Variants in CSMD1 observed in about 807,000 individuals in gnomAD.
The protein encoded by CSMD1 is CUB and sushi domain-containing protein 1.
A neutral mutation model predicts 417.5 loss-of-function variants in CSMD1; 213 were observed. The observed-to-expected ratio is 0.51, with a 90% CI of 0.46 to 0.57. The LOEUF (loss-of-function observed/expected upper bound fraction) is 0.57, where lower values mean the gene tolerates loss of function less well. Among genes scored for constraint, CSMD1 ranks in the 20% least tolerant of loss-of-function variants. The probability of loss-of-function intolerance (pLI) is 0.00; values close to 1 mark genes in which losing one functional copy is unlikely to be tolerated. For synonymous variants in CSMD1, 2,862 were observed against 1,736.8 expected (o/e 1.65, Z -16.11); for missense variants, 6,923 against 4,529.7 (o/e 1.53, Z -15.17).
intron 3 of CSMD1, among the ~76,000 whole-genome samples, chr8:4,159,654 T>A (rs1355743807): frequency 6.6e-6 from 1 of 152,162 alleles, no homozygotes; most frequent in Non-Finnish European, 1.5e-5. Context: ...AGTGGCGCGA[T>A]CTCGGCTCAC....
At chr8:4,289,174 T>C (rs1165085090) in intron 3 of CSMD1, among the ~76,000 whole-genome samples, 1 of 152,192 alleles carries the variant, frequency 6.6e-6, no homozygotes, top group Non-Finnish European at 1.5e-5. Context: ...GTATATTATA[T>C]AACAGTTTAT....
At chr8:3,406,584 G>A (rs1203869104) in intron 14 of CSMD1, among the ~76,000 whole-genome samples, 1 of 152,060 alleles carries the variant, frequency 6.6e-6, no homozygotes, top group Non-Finnish European at 1.5e-5. Flanking sequence ...CTATGTCAGA[G>A]GACTCTGACA....
intron 7 of CSMD1, among the ~76,000 whole-genome samples, chr8:3,663,013 T>C (rs963870346): frequency 3.3e-5 from 5 of 151,506 alleles, no homozygotes; most frequent in African/African-American, 1.2e-4. Context: ...AATAAATAAA[T>C]AAATAAAGAC....
At chr8:4,689,039 G>C (rs1806586163) in intron 1 of CSMD1, among the ~76,000 whole-genome samples, 1 of 152,150 alleles carries the variant, frequency 6.6e-6, no homozygotes, top group Non-Finnish European at 1.5e-5. Context: ...ATCTTCTGCT[G>C]TCCACATAAT....
intron 2 of CSMD1, among the ~76,000 whole-genome samples, chr8:4,509,774 T>G (rs777827303): frequency 6.6e-6 from 1 of 152,148 alleles, no homozygotes; most frequent in Admixed American, 6.6e-5. Context: ...ACACTAAATA[T>G]CATATTATCA....
intron 3 of CSMD1, among the ~76,000 whole-genome samples, chr8:4,291,904 A>C (rs1429992948): frequency 2.6e-5 from 4 of 152,230 alleles, no homozygotes; most frequent in Admixed American, 6.5e-5. Flanking sequence ...TTTCACATCA[A>C]GCAGGAACAG....
At chr8:4,014,508 C>A (rs554820144) in intron 4 of CSMD1, among the ~76,000 whole-genome samples, 2 of 152,234 alleles carry the variant, frequency 1.3e-5, no homozygotes, top group African/African-American at 4.8e-5. Flanking sequence ...GTCTGTTCCC[C>A]CTTACTCTTC....
intron 3 of CSMD1, among the ~76,000 whole-genome samples, chr8:4,271,634 G>A (rs980332464): frequency 6.6e-6 from 1 of 150,960 alleles, no homozygotes; most frequent in Non-Finnish European, 1.5e-5. Context: ...CAGCTTTAAA[G>A]AAAGGAAAAG....
chr8:3,873,774 C>A (rs925937348), intron 5 of CSMD1, among the ~76,000 whole-genome samples: 1 of 152,158 alleles, frequency 6.6e-6, no homozygotes, highest in Admixed American at 6.5e-5. Flanking sequence ...ATGGCCTGAA[C>A]CAACGTAGCC....
chr8:3,709,527 T>C (rs1230333728), intron 6 of CSMD1, among the ~76,000 whole-genome samples: 3 of 151,882 alleles, frequency 2.0e-5, no homozygotes, highest in Non-Finnish European at 4.4e-5. Context: ...GATATTAACA[T>C]TTGAATCAGC....
At chr8:4,107,118 A>G (rs1016869997) in intron 3 of CSMD1, among the ~76,000 whole-genome samples, 5 of 152,208 alleles carry the variant, frequency 3.3e-5, no homozygotes, top group African/African-American at 1.2e-4. Context: ...ATGAGGACTA[A>G]CAACCAAGCA....
chr8:3,359,844 A>G (rs1029029291), intron 20 of CSMD1, among the ~76,000 whole-genome samples: 4 of 152,204 alleles, frequency 2.6e-5, no homozygotes, highest in African/African-American at 9.7e-5. Context: ...CATGTATCAA[A>G]ATATCACATG....
At chr8:3,616,014 T>A (rs939094170) in intron 8 of CSMD1, among the ~76,000 whole-genome samples, 1 of 152,310 alleles carries the variant, frequency 6.6e-6, no homozygotes, top group East Asian at 1.9e-4. Flanking sequence ...GATATGCATT[T>A]TCTGAATAAA....
intron 3 of CSMD1, among the ~76,000 whole-genome samples, chr8:4,360,422 A>C (rs1216840466): frequency 1.3e-5 from 2 of 151,606 alleles, no homozygotes; most frequent in Non-Finnish European, 2.9e-5. Context: ...TTGTGGAATT[A>C]ATTAACTGTG....
At chr8:4,319,950 A>T (rs996520670) in intron 3 of CSMD1, among the ~76,000 whole-genome samples, 6 of 152,182 alleles carry the variant, frequency 3.9e-5, no homozygotes, top group Non-Finnish European at 8.8e-5. Flanking sequence ...CACAAGGCCA[A>T]TGTTTGGATT....
Position 3,201,336 on chromosome 8 carries a change from T to A in CSMD1, c.5098+276A>T, listed in dbSNP as rs1327833681. Among the ~76,000 whole-genome samples, 3 of 152,136 alleles carry A rather than the reference T, an allele frequency of 2.0e-5. No individual in the cohort carries two copies. The East Asian group carries it at 5.8e-4, about 29-fold the overall frequency. ...ATTAAACACAGATGATAGTTGATTA[T>A]CCCACCCTCTTTTTCGGATCTTTGC... On this transcript the variant is annotated intron_variant, in intron 32 of 69. Coordinates refer to ENST00000635120, the MANE Select transcript of CSMD1 (RefSeq NM_033225.6).
chr8:3,487,548 G>A (rs774587060), intron 11 of CSMD1, among the ~76,000 whole-genome samples: 1 of 152,092 alleles, frequency 6.6e-6, no homozygotes, highest in Non-Finnish European at 1.5e-5. Flanking sequence ...TATATAAATC[G>A]ATACATCTAG....
chr8:4,894,412 T>C (rs1399576684), intron 1 of CSMD1, among the ~76,000 whole-genome samples: 1 of 151,944 alleles, frequency 6.6e-6, no homozygotes, highest in Non-Finnish European at 1.5e-5. Flanking sequence ...TCTCTGCCCA[T>C]TTCAGGTTAT....
chr8:4,016,656 GT>G (rs1343526013), intron 4 of CSMD1, among the ~76,000 whole-genome samples: 1 of 152,184 alleles, frequency 6.6e-6, no homozygotes, highest in African/African-American at 2.4e-5. Flanking sequence ...CTACAGGTTT[GT>G]CTTACTCTGT....
Sources: gnomAD v4.1 joint callset for allele counts (sites outside exome capture counted in the v4.1 genomes callset) on GRCh38, gnomAD v4.1.1 for gene constraint, MANE v1.5 for transcripts, NCBI Gene and HGNC (gene_info 2026-07-23, HGNC 2026-07-21) for gene names.